PRKN: variants seen among roughly 807,000 people sequenced by gnomAD.
PRKN encodes parkin RBR E3 ubiquitin protein ligase.
Under a neutral mutation model 59.5 loss-of-function variants are expected in PRKN, and 56 were observed. That is an observed-to-expected ratio of 0.94 (90% CI 0.76 to 1.18). The LOEUF (loss-of-function observed/expected upper bound fraction) is 1.18, where lower values mean the gene tolerates loss of function less well. PRKN is among the 50% of genes most tolerant of loss of function. The pLI, the probability that PRKN is intolerant of heterozygous loss-of-function variation, is 0.00. For missense variants in PRKN, 657 were observed against 596.4 expected, an observed-to-expected ratio of 1.10 and a Z score of -1.06; for synonymous variants, 250 against 222.1, an observed-to-expected ratio of 1.13 and a Z score of -1.12.
chr6:162,333,675 C>T (rs544582920), intron 2 of PRKN, among the ~76,000 whole-genome samples: 1 of 152,262 alleles, frequency 6.6e-6, no homozygotes, highest in African/African-American at 2.4e-5. Context: ...GCCTGAGACG[C>T]AACTATACTG....
At chr6:161,978,834 G>A (rs1164490149) in intron 5 of PRKN, among the ~76,000 whole-genome samples, 1 of 152,240 alleles carries the variant, frequency 6.6e-6, no homozygotes, top group African/African-American at 2.4e-5. Flanking sequence ...GTTGGCCGGG[G>A]AAGTTGCTTC....
chr6:161,939,125 A>C (rs1779459666), intron 6 of PRKN, among the ~76,000 whole-genome samples: 1 of 152,184 alleles, frequency 6.6e-6, no homozygotes, highest in African/African-American at 2.4e-5. Context: ...GCTGGATAGA[A>C]AAAATAATGA....
At chr6:161,908,387 T>A (rs1158526429) in intron 6 of PRKN, among the ~76,000 whole-genome samples, 1 of 152,178 alleles carries the variant, frequency 6.6e-6, no homozygotes, top group Non-Finnish European at 1.5e-5. Flanking sequence ...TCCTGCCAGA[T>A]TGCCAGTTAC....
intron 11 of PRKN, among the ~76,000 whole-genome samples, chr6:161,351,676 A>G (rs1247728378): frequency 6.6e-6 from 1 of 152,158 alleles, no homozygotes; most frequent in Non-Finnish European, 1.5e-5. Flanking sequence ...CCAAAATTTT[A>G]ATTAAGATGA....
At chr6:162,271,008 ATTTTCTAGTTT>A (rs1165438875) in intron 2 of PRKN, among the ~76,000 whole-genome samples, 3 of 137,042 alleles carry the variant, frequency 2.2e-5, no homozygotes, top group Non-Finnish European at 4.6e-5. Context: ...CACCTAGCTA[ATTTTCTAGTTT>A]TTTTTTTTTT....
intron 2 of PRKN, among the ~76,000 whole-genome samples, chr6:162,363,765 T>C (rs956024289): frequency 2.0e-5 from 3 of 152,204 alleles, no homozygotes; most frequent in African/African-American, 7.2e-5. Flanking sequence ...TACAGTCCTC[T>C]TTGGGCCTCT....
intron 6 of PRKN, among the ~76,000 whole-genome samples, chr6:161,939,188 C>G (rs576374243): frequency 2.6e-5 from 4 of 151,864 alleles, no homozygotes; most frequent in East Asian, 1.9e-4. Context: ...GAGGCTGAGG[C>G]GGGAGGATCA....
At chr6:162,533,478 A>C (rs1224486678) in intron 1 of PRKN, among the ~76,000 whole-genome samples, 1 of 152,174 alleles carries the variant, frequency 6.6e-6, no homozygotes, top group Non-Finnish European at 1.5e-5. Context: ...CAGTGAGCCA[A>C]GATCGCACCA....
At chr6:162,573,723 C>G (rs372379484) in intron 1 of PRKN, among the ~76,000 whole-genome samples, 4 of 152,126 alleles carry the variant, frequency 2.6e-5, no homozygotes, top group African/African-American at 7.2e-5. Flanking sequence ...TCTTTCCGTA[C>G]TTTTCTCTTA....
chr6:161,728,022 C>T (rs1787518255), intron 7 of PRKN, among the ~76,000 whole-genome samples: 1 of 152,002 alleles, frequency 6.6e-6, no homozygotes, highest in African/African-American at 2.4e-5. Context: ...GGAAGATGCC[C>T]GTCATCACCC....
rs6909907 is a variant in PRKN, at chr6:162,692,630, C to G, written c.7+35032G>C. On this transcript the variant is annotated intron_variant, in intron 1 of 11. Coordinates refer to ENST00000366898, the MANE Select transcript of PRKN (RefSeq NM_004562.3). ...AGTGACCCTCCGGGTTGACAATACT[C>G]CATGTGTGCTATCACACATCATTGC... Among the ~76,000 whole-genome samples the G allele has an allele frequency of 4.5e-3, 690 of 152,074 alleles. 7 individuals carry two copies. The highest frequency in any genetic ancestry group is 0.015 in the African/African-American group (642 of 41,512).
At chr6:161,806,109 A>G (rs997818886) in intron 6 of PRKN, among the ~76,000 whole-genome samples, 26 of 152,154 alleles carry the variant, frequency 1.7e-4, no homozygotes, top group Admixed American at 1.2e-3. Flanking sequence ...TTTTCTGTCC[A>G]CTTCAAAATC....
chr6:162,402,890 G>C (rs1167900198), intron 2 of PRKN, among the ~76,000 whole-genome samples: 1 of 151,924 alleles, frequency 6.6e-6, no homozygotes, highest in Non-Finnish European at 1.5e-5. Context: ...CTAGGCTCAA[G>C]TCTCGGGCTC....
At chr6:162,305,961 T>A (rs1452747394) in intron 2 of PRKN, among the ~76,000 whole-genome samples, 1 of 152,162 alleles carries the variant, frequency 6.6e-6, no homozygotes, top group Non-Finnish European at 1.5e-5. Flanking sequence ...CATGTTTTAA[T>A]CTTTTTCTTG....
chr6:162,110,316 C>T (rs1780371442), intron 4 of PRKN, among the ~76,000 whole-genome samples: 1 of 152,104 alleles, frequency 6.6e-6, no homozygotes, highest in Admixed American at 6.5e-5. Context: ...GAAGCAAAAA[C>T]ATTGGTAGCA....
intron 2 of PRKN, among the ~76,000 whole-genome samples, chr6:162,400,960 A>G (rs1424128834): frequency 6.6e-6 from 1 of 152,186 alleles, no homozygotes; most frequent in African/African-American, 2.4e-5. Flanking sequence ...CAATTCTTGA[A>G]TAAAATAGGA....
intron 2 of PRKN, among the ~76,000 whole-genome samples, chr6:162,414,474 A>G (rs910979863): frequency 3.3e-5 from 5 of 151,652 alleles, no homozygotes; most frequent in Admixed American, 6.6e-5. Context: ...TTGGGAGGCC[A>G]AGGCGGCTGG....
chr6:161,802,969 G>C (rs562103726), intron 6 of PRKN, among the ~76,000 whole-genome samples: 3 of 152,234 alleles, frequency 2.0e-5, no homozygotes, highest in African/African-American at 7.2e-5. Context: ...AACAGGTGAT[G>C]TGAGAAGGGT....
chr6:161,685,063 T>C (rs1394440450), intron 7 of PRKN, among the ~76,000 whole-genome samples: 1 of 152,248 alleles, frequency 6.6e-6, no homozygotes, highest in Non-Finnish European at 1.5e-5. Flanking sequence ...TATTAGAACA[T>C]CGAATACTTC....
Sources: allele counts gnomAD v4.1 joint callset (sites outside exome capture counted in the v4.1 genomes callset), GRCh38; gene constraint gnomAD v4.1.1; transcripts MANE v1.5; gene names NCBI Gene and HGNC (gene_info 2026-07-23, HGNC 2026-07-21).